Variants in GRIN3A observed in about 807,000 individuals in gnomAD.
The protein encoded by GRIN3A is glutamate ionotropic receptor NMDA type subunit 3A.
GRIN3A carries 47 observed loss-of-function variants against 92.4 expected under a neutral mutation model. That is an observed-to-expected ratio of 0.51 (90% CI 0.40 to 0.65). GRIN3A has a LOEUF of 0.65. Among genes scored for constraint, GRIN3A ranks in the 30% least tolerant of loss-of-function variants. GRIN3A has a pLI of 0.00. For missense variants in GRIN3A, 1,324 were observed against 1,393.1 expected (o/e 0.95, Z 0.79); for synonymous variants, 527 against 540.6 (o/e 0.97, Z 0.35).
At chr9:101,671,508 T>C (rs1829324474) in intron 2 of GRIN3A, among the ~76,000 whole-genome samples, 1 of 152,208 alleles carries the variant, frequency 6.6e-6, no homozygotes, top group African/African-American at 2.4e-5. Context: ...CTATGTTCAA[T>C]TGTAACTACA....
chr9:101,660,012 A>G (rs1829150476), intron 3 of GRIN3A, among the ~76,000 whole-genome samples: 1 of 151,836 alleles, frequency 6.6e-6, no homozygotes, highest in Non-Finnish European at 1.5e-5. Context: ...AACATTCAGG[A>G]AGGGAAAGAA....
At chr9:101,718,604 GT>G (rs1829974298) in intron 1 of GRIN3A, among the ~76,000 whole-genome samples, 1 of 152,140 alleles carries the variant, frequency 6.6e-6, no homozygotes, top group South Asian at 2.1e-4. Context: ...CAGAGTGTAG[GT>G]GATTCATGAG....
intron 2 of GRIN3A, among the ~76,000 whole-genome samples, chr9:101,681,578 T>C (rs1029320937): frequency 2.5e-4 from 38 of 152,220 alleles, no homozygotes; most frequent in African/African-American, 8.9e-4. Context: ...TGTGAATTTG[T>C]TCCAAACCTA....
At chr9:101,626,587 T>C (rs1265454874) in intron 4 of GRIN3A, among the ~76,000 whole-genome samples, 1 of 152,162 alleles carries the variant, frequency 6.6e-6, no homozygotes, top group Non-Finnish European at 1.5e-5. Context: ...AGATGCCAAT[T>C]TCACCTCAAT....
At chr9:101,603,054 C>T (rs985043400) in intron 6 of GRIN3A, 2 of 152,092 alleles carry the variant, frequency 1.3e-5, no homozygotes, top group Non-Finnish European at 2.9e-5. Context: ...AGAAAGAACA[C>T]AACACTACAA....
rs769491656 is a variant in GRIN3A, at chr9:101,737,571, G to A, written c.409C>T (p.Arg137Cys). Residue 137 changes from arginine to cysteine, a missense_variant, in exon 1 of 9, where the codon CGC (arginine) becomes TGC (cysteine). Physicochemically the swap from Arg to Cys is radical, Grantham distance 180 (BLOSUM62 -3). Transcript: ENST00000361820. ...ALLFAVDNLN[R>C]VEGLLPYNLS... ...TTGTAGGGTAGCAGCCCTTCCACGC[G>A]GTTCAGGTTGTCCACGGCAAATAGG... 2.5e-6 allele frequency: 4 copies of A among 1,614,068 alleles called. No homozygotes were observed. Among genetic ancestry groups the A allele is most frequent in the Non-Finnish European group, 3.4e-6 (4 of 1,180,030 alleles).
At chr9:101,588,014 A>G (rs1827969964) in intron 6 of GRIN3A, among the ~76,000 whole-genome samples, 2 of 152,182 alleles carry the variant, frequency 1.3e-5, no homozygotes, top group Admixed American at 1.3e-4. Flanking sequence ...TGCTGTGTCT[A>G]TACATATGGC....
chr9:101,701,750 G>C (rs901433598), intron 1 of GRIN3A, among the ~76,000 whole-genome samples: 3 of 152,156 alleles, frequency 2.0e-5, no homozygotes, highest in African/African-American at 7.2e-5. Flanking sequence ...ACTATCAACA[G>C]AGTAAACAGA....
intron 6 of GRIN3A, among the ~76,000 whole-genome samples, chr9:101,581,167 C>T (rs1827882708): frequency 6.6e-6 from 1 of 152,146 alleles, no homozygotes; most frequent in Non-Finnish European, 1.5e-5. Flanking sequence ...TACATTTGAT[C>T]CATGCTTCCT....
intron 3 of GRIN3A, among the ~76,000 whole-genome samples, chr9:101,633,118 G>A (rs1225112263): frequency 6.6e-6 from 1 of 152,010 alleles, no homozygotes; most frequent in Non-Finnish European, 1.5e-5. Context: ...AACAAAATGA[G>A]GCGAACTCGG....
At chr9:101,661,665 G>T (rs537156421) in intron 3 of GRIN3A, among the ~76,000 whole-genome samples, 1 of 151,944 alleles carries the variant, frequency 6.6e-6, no homozygotes, top group East Asian at 1.9e-4. Flanking sequence ...AAGTAAGGCT[G>T]CAGTGACTCT....
chr9:101,737,458 G>A lies in GRIN3A; in HGVS notation c.522C>T (p.Ser174=). 1 of 1,614,274 alleles carries A rather than the reference G, an allele frequency of 6.2e-7. No individual in the cohort carries two copies. The highest frequency in any genetic ancestry group is 8.5e-7 in the Non-Finnish European group (1 of 1,180,044). The part of the protein sequence containing the change: ...LPFSSPSSPW[S]SDPFSFLQSV... ...TTTGCAGGAAGGAGAAAGGGTCACTGCTCCATGGCGAACTAGGGGAGGAGA... is the reference window on the plus strand; with the variant it reads ...TTTGCAGGAAGGAGAAAGGGTCACTACTCCATGGCGAACTAGGGGAGGAGA... The change falls in exon 1 of 9, where the codon AGC becomes AGT. Residue 174 remains serine (S), a synonymous_variant. Transcript: ENST00000361820.
chr9:101,670,141 A>G lies in GRIN3A; in HGVS notation c.2271T>C (p.Leu757=), dbSNP rs1447705363. The change falls in exon 3 of 9, where the codon CTT becomes CTC. Residue 757 remains leucine, a synonymous_variant. Coordinates refer to ENST00000361820, the MANE Select transcript of GRIN3A (RefSeq NM_133445.3). ...CAGCCAAGTTTGCCGTGTATGTGGA[A>G]AGGCAAAACATACAGAAAATGGCCC... The part of the protein sequence containing the change: ...NLWAIFCMFC[L]STYTANLAAV... 1 of 1,613,812 alleles carries G rather than the reference A, an allele frequency of 6.2e-7. No individual in the cohort carries two copies. Among genetic ancestry groups the G allele is most frequent in the South Asian group, 1.1e-5 (1 of 91,072 alleles).
chr9:101,592,388 G>A (rs768870133), intron 6 of GRIN3A: 7 of 152,222 alleles, frequency 4.6e-5, no homozygotes, highest in African/African-American at 9.7e-5. Flanking sequence ...AAGTGGAATT[G>A]TGCTCCAGGT....
chr9:101,720,706 A>G (rs1426615966), intron 1 of GRIN3A, among the ~76,000 whole-genome samples: 1 of 152,214 alleles, frequency 6.6e-6, no homozygotes, highest in Non-Finnish European at 1.5e-5. Context: ...GTCTTTCCAT[A>G]TAGATATATA....
At chr9:101,732,616 A>T (rs117156436) in intron 1 of GRIN3A, among the ~76,000 whole-genome samples, 3 of 152,256 alleles carry the variant, frequency 2.0e-5, no homozygotes, top group Non-Finnish European at 4.4e-5. Flanking sequence ...GGAGAGGGTA[A>T]AGAGGAAGGT....
intron 2 of GRIN3A, among the ~76,000 whole-genome samples, chr9:101,674,318 A>T (rs1031766451): frequency 6.6e-6 from 1 of 152,076 alleles, no homozygotes; most frequent in African/African-American, 2.4e-5. Flanking sequence ...GGGACTGAAC[A>T]TAAGTCCACA....
chr9:101,606,906 ATTTTTT>A lies in GRIN3A; in HGVS notation c.2766+6464_2766+6469del, dbSNP rs536780165. On this transcript the variant is annotated intron_variant, in intron 6 of 8. Transcript: ENST00000361820. ...CACTTGGGGAGTTGAAAAAAATTAC[ATTTTTT>A]TTTTTTTTTTTTTTTTTTGCTGAGT... Among the ~76,000 whole-genome samples, 176 of 86,212 alleles carry A rather than the reference ATTTTTT, an allele frequency of 2.0e-3. 2 individuals are homozygous for A. The East Asian group carries it at 0.036, about 17-fold the overall frequency. The allele number at this position is 86,212 out of a possible 152,430, so 56.6% of individuals were successfully genotyped here.
Position 101,616,905 on chromosome 9 carries a change from A to T in GRIN3A, c.2615-3378T>A, listed in dbSNP as rs1481282325. Among the ~76,000 whole-genome samples, 9 of 150,818 alleles carry T rather than the reference A, an allele frequency of 6.0e-5. No individual in the cohort carries two copies. In the East Asian group the frequency reaches 1.7e-3, roughly 29 times the overall value. On this transcript the variant is annotated intron_variant, in intron 5 of 8. Transcript: ENST00000361820. ...TTAAAGTATAAAAAAAAAAAAAAAA[A>T]AAAGGAACAAAAGGGCCGGGCGCAG...
Sources: allele counts gnomAD v4.1 joint callset (sites outside exome capture counted in the v4.1 genomes callset), GRCh38; gene constraint gnomAD v4.1.1; transcripts MANE v1.5; gene names NCBI Gene and HGNC (gene_info 2026-07-23, HGNC 2026-07-21).